NAALADL2: variants seen among roughly 807,000 people sequenced by gnomAD.
NAALADL2 encodes the protein inactive N-acetylated-alpha-linked acidic dipeptidase-like protein 2.
NAALADL2 carries 76 observed loss-of-function variants against 87.2 expected under a neutral mutation model. That is an observed-to-expected ratio of 0.87 (90% CI 0.72 to 1.05). The LOEUF is 1.05. Among genes scored for constraint, NAALADL2 ranks in the 50% least tolerant of loss-of-function variants. The probability of loss-of-function intolerance (pLI) is 0.00; values close to 1 mark genes in which losing one functional copy is unlikely to be tolerated. For missense variants in NAALADL2, 1,089 were observed against 945.8 expected (o/e 1.15, Z -1.99); for synonymous variants, 354 against 331.0 (o/e 1.07, Z -0.75).
At chr3:174,781,505 C>T (rs973917111) in intron 3 of NAALADL2, among the ~76,000 whole-genome samples, 2 of 151,638 alleles carry the variant, frequency 1.3e-5, no homozygotes, top group East Asian at 2.0e-4. Context: ...ATTATGTAGA[C>T]ACTGATTAGC....
chr3:175,300,282 A>T (rs550649010), intron 4 of NAALADL2, among the ~76,000 whole-genome samples: 1 of 152,280 alleles, frequency 6.6e-6, no homozygotes, highest in Admixed American at 6.5e-5. Flanking sequence ...AGGTTTTCGT[A>T]TCAGGATGAT....
Position 175,002,188 on chromosome 3 carries a change from A to T in NAALADL2, c.44-94602A>T, listed in dbSNP as rs907194160. Among the ~76,000 whole-genome samples the T allele has an allele frequency of 3.3e-5, 5 of 152,164 alleles. No homozygotes were observed. The East Asian group carries it at 7.7e-4, about 23-fold the overall frequency. On this transcript the variant is annotated intron_variant, in intron 1 of 13. Coordinates refer to ENST00000454872, the MANE Select transcript of NAALADL2 (RefSeq NM_207015.3). The stretch of plus-strand genomic sequence containing the variant: ...CTTATTCCCTGCTCTATGTGTAAAG[A>T]TATTGTTGAAAAGGTCACAAAGACT...
intron 13 of NAALADL2, among the ~76,000 whole-genome samples, chr3:175,789,305 G>A (rs1752496301): frequency 6.6e-6 from 1 of 152,170 alleles, no homozygotes; most frequent in Admixed American, 6.5e-5. Flanking sequence ...TAGATATGAT[G>A]AGAGTTTCTG....
intron 9 of NAALADL2, among the ~76,000 whole-genome samples, chr3:175,478,757 GA>G (rs1402454527): frequency 6.6e-6 from 1 of 151,836 alleles, no homozygotes; most frequent in Non-Finnish European, 1.5e-5. Flanking sequence ...GTTTACTCAG[GA>G]CAGGTATTAG....
rs549096194 is a variant in NAALADL2, at chr3:175,145,536, A to G, written c.545+48245A>G. On this transcript the variant is annotated intron_variant, in intron 2 of 13. Coordinates refer to ENST00000454872, the MANE Select transcript of NAALADL2 (RefSeq NM_207015.3). ...TGTATTTTTTTTCTTCTTTCATTTGACCTTTCTTAAGCCTAGATTTATGAA... is the reference window on the plus strand; with the variant it reads ...TGTATTTTTTTTCTTCTTTCATTTGGCCTTTCTTAAGCCTAGATTTATGAA... Among the ~76,000 whole-genome samples, 106 of 152,140 alleles carry G rather than the reference A, an allele frequency of 7.0e-4. 1 individual carries two copies. Among genetic ancestry groups the G allele is most frequent in the African/African-American group, 8.9e-4 (37 of 41,552 alleles).
intron 1 of NAALADL2, among the ~76,000 whole-genome samples, chr3:174,911,534 A>G (rs145988002): frequency 6.6e-6 from 1 of 152,190 alleles, no homozygotes; most frequent in Non-Finnish European, 1.5e-5. Context: ...GCCTGCTACA[A>G]ATTGCAAGCT....
chr3:175,244,708 C>T (rs188871292), intron 3 of NAALADL2, among the ~76,000 whole-genome samples: 151 of 152,284 alleles, frequency 9.9e-4, no homozygotes, highest in Non-Finnish European at 1.6e-3. Flanking sequence ...TATGTACTTA[C>T]TGCCGTCTAA....
rs1752494784 is a variant in NAALADL2 at position 175,028,862 on chromosome 3, A to G, written c.44-67928A>G. On this transcript the variant is annotated intron_variant, in intron 1 of 13. Transcript: ENST00000454872. ...ACCAAAAATCTTAGTTGAGTCTTAAATGAGTCTCACTTCGTAGTGTTTCTT... is the reference window on the plus strand; with the variant it reads ...ACCAAAAATCTTAGTTGAGTCTTAAGTGAGTCTCACTTCGTAGTGTTTCTT... Among the ~76,000 whole-genome samples the G allele has an allele frequency of 2.6e-5, 4 of 151,792 alleles. No homozygotes were observed. The South Asian group carries it at 8.3e-4, about 31-fold the overall frequency.
intron 1 of NAALADL2, among the ~76,000 whole-genome samples, chr3:175,070,899 T>C (rs1298537761): frequency 2.0e-5 from 3 of 152,068 alleles, no homozygotes; most frequent in Non-Finnish European, 4.4e-5. Context: ...AACTGTGCTT[T>C]CCTATGTTTG....
rs574318602 is a variant in NAALADL2, at chr3:174,684,055, T to G, written c.-114-53586T>G. Among the ~76,000 whole-genome samples, 3 of 152,192 alleles carry G rather than the reference T, an allele frequency of 2.0e-5. No homozygotes were observed. In the South Asian group the frequency reaches 6.2e-4, roughly 32 times the overall value. ...TCTTATTCCCTCATGTGCAGATTAC[T>G]TACTAAAAGAAGTTTGGCATTTCAG... On this transcript the variant is annotated intron_variant, in intron 2 of 3. Coordinates refer to the NAALADL2 transcript ENST00000434257.
chr3:174,677,155 T>C (rs1451483559), intron 2 of NAALADL2, among the ~76,000 whole-genome samples: 1 of 152,008 alleles, frequency 6.6e-6, no homozygotes, highest in Admixed American at 6.6e-5. Context: ...CTAATCCAAG[T>C]TTGGCATTTA....
intron 1 of NAALADL2, among the ~76,000 whole-genome samples, chr3:174,449,069 A>C (rs1398102807): frequency 6.6e-6 from 1 of 152,188 alleles, no homozygotes. Context: ...TCATCTGTGA[A>C]ATAAGTTCTT....
At chr3:175,292,153 A>G (rs539092149) in intron 4 of NAALADL2, among the ~76,000 whole-genome samples, 2 of 152,282 alleles carry the variant, frequency 1.3e-5, no homozygotes, top group East Asian at 3.9e-4. Flanking sequence ...ATTTGAGTAA[A>G]TGCACCAGGC....
At chr3:174,457,946 C>T (rs1158158849) in intron 1 of NAALADL2, among the ~76,000 whole-genome samples, 5 of 151,918 alleles carry the variant, frequency 3.3e-5, no homozygotes, top group Non-Finnish European at 5.9e-5. Context: ...AATGAGAACA[C>T]GTGGACACAT....
chr3:174,641,044 T>G (rs553374908), intron 2 of NAALADL2, among the ~76,000 whole-genome samples: 3 of 152,130 alleles, frequency 2.0e-5, no homozygotes, highest in Non-Finnish European at 2.9e-5. Context: ...CAGGGGCTGG[T>G]GGGGCCAGAG....
At chr3:174,850,227 C>T (rs1005743831) in intron 3 of NAALADL2, among the ~76,000 whole-genome samples, 1 of 151,920 alleles carries the variant, frequency 6.6e-6, no homozygotes, top group African/African-American at 2.4e-5. Flanking sequence ...TCATCCTACT[C>T]TAGCCTATCC....
At chr3:174,542,662 C>T (rs921023963) in intron 1 of NAALADL2, among the ~76,000 whole-genome samples, 1 of 152,120 alleles carries the variant, frequency 6.6e-6, no homozygotes, top group East Asian at 1.9e-4. Flanking sequence ...GGGGTCAATT[C>T]CCTGGTTATA....
At chr3:175,135,566 C>T (rs558920424) in intron 2 of NAALADL2, among the ~76,000 whole-genome samples, 30 of 151,522 alleles carry the variant, frequency 2.0e-4, no homozygotes, top group African/African-American at 3.4e-4. Context: ...TAAAAATTAC[C>T]GAGGAAAAAA....
chr3:174,542,627 G>A (rs1722347599), intron 1 of NAALADL2, among the ~76,000 whole-genome samples: 1 of 152,158 alleles, frequency 6.6e-6, no homozygotes, highest in Non-Finnish European at 1.5e-5. Flanking sequence ...TTCAGAGGGT[G>A]CTTTTGATAG....
Sources: gnomAD v4.1 joint callset for allele counts (sites outside exome capture counted in the v4.1 genomes callset) on GRCh38, gnomAD v4.1.1 for gene constraint, MANE v1.5 for transcripts, NCBI Gene and HGNC (gene_info 2026-07-23, HGNC 2026-07-21) for gene names.